Variants in SCAF1 observed in about 807,000 individuals in gnomAD.
SCAF1 encodes the protein SR-related CTD associated factor 1, also known as splicing factor, arginine/serine-rich 19.
A neutral mutation model predicts 91.2 loss-of-function variants in SCAF1; 28 were observed. The observed-to-expected ratio is 0.31, with a 90% confidence interval of 0.23 to 0.42. The LOEUF is 0.42. SCAF1 is among the 10% of genes least tolerant of loss of function. The pLI, the probability that SCAF1 is intolerant of heterozygous loss-of-function variation, is 1.00. For synonymous variants in SCAF1, 1,036 were observed against 833.7 expected (o/e 1.24, Z -4.18); for missense variants, 1,893 against 1,872.1 (o/e 1.01, Z -0.21).
chr19:49,648,895 A>G (rs181236539), intron 6 of SCAF1, among the ~76,000 whole-genome samples: 295 of 151,006 alleles, frequency 2.0e-3, no homozygotes, highest in Non-Finnish European at 2.9e-3. Flanking sequence ...TGCTTGAACC[A>G]GGAGATGGAG....
chr19:49,651,768 A>C lies in SCAF1; in HGVS notation c.1379A>C (p.Gln460Pro). Residue 460 changes from glutamine to proline, a missense_variant, in exon 7 of 11, where the codon CAG becomes CCG. Physicochemically the swap from Gln to Pro is moderately conservative, Grantham distance 76 (BLOSUM62 -1). Around this residue, in one of 5 missense-constraint regions of SCAF1, gnomAD observed 1,436 missense variants for 1,306.8 expected, o/e 1.10. Transcript: ENST00000360565. ...GAGTCGGACGGCGAGGGCGCCCTGC[A>C]GGTGGACCTAGGGGAGCCGGCTCCC... is the stretch of plus-strand genomic sequence containing the variant. ...HAESDGEGAL[Q>P]VDLGEPAPAP... The C allele has an allele frequency of 1.6e-6, 2 of 1,268,540 alleles. No homozygotes were observed. The highest frequency in any genetic ancestry group is 2.0e-6 in the Non-Finnish European group (2 of 1,008,044). 78.6% of individuals were successfully genotyped at this position (1,268,540 alleles called of 1,614,324 possible).
chr19:49,655,418 G>T (rs2081132943), intron 9 of SCAF1, among the ~76,000 whole-genome samples: 1 of 152,164 alleles, frequency 6.6e-6, no homozygotes, highest in African/African-American at 2.4e-5. Flanking sequence ...CTGGTCTGGA[G>T]TGCAATGGTG....
Position 49,654,786 on chromosome 19 carries a change from C to G in SCAF1, c.3534C>G (p.Thr1178=), listed in dbSNP as rs762939978. The G allele has an allele frequency of 5.6e-6, 9 of 1,612,784 alleles. No homozygotes were observed. In the South Asian group the frequency reaches 6.6e-5, roughly 12 times the overall value. ...GSLPLGGCGS[T]PPTPTGLAAT... is the part of the protein sequence containing the mutation. Reference sequence around the variant, plus strand: ...TCCCTCTGGGGGGCTGCGGTTCGACCCCCCCCACCCCCACCGGGCTGGCTG... The same window carrying G: ...TCCCTCTGGGGGGCTGCGGTTCGACGCCCCCCACCCCCACCGGGCTGGCTG... Residue 1178 remains threonine, a synonymous_variant, in exon 9 of 11, where the codon ACC becomes ACG. Transcript: ENST00000360565.
Position 49,652,765 on chromosome 19 carries a change from C to G in SCAF1, c.2376C>G (p.Ser792=). ...RDRDRDRDRS[S]KKARPPKESA... is the part of the protein sequence containing the mutation. The stretch of plus-strand genomic sequence containing the variant: ...GAGATAGGGACAGGGACAGGTCATC[C>G]AAGAAGGCCCGGCCCCCCAAGGAGT... Residue 792 remains serine (S), a synonymous_variant, in exon 7 of 11, where the codon TCC becomes TCG. Transcript: ENST00000360565. 6.2e-7 allele frequency: 1 copy of G among 1,612,246 alleles called. No individual in the cohort carries two copies. The highest frequency in any genetic ancestry group is 8.5e-7 in the Non-Finnish European group (1 of 1,179,404).
In SCAF1 at chr19:49,654,686, G is replaced by A; in HGVS notation, c.3434G>A (p.Gly1145Glu). The A allele has an allele frequency of 6.2e-7, 1 of 1,613,802 alleles. No individual in the cohort carries two copies. The highest frequency in any genetic ancestry group is 8.5e-7 in the Non-Finnish European group (1 of 1,179,860). ...LSHRKPPSSLGMTPAPVPTSL... is the reference protein window; with the variant it reads ...LSHRKPPSSLEMTPAPVPTSL... ...CACAGAAAGCCACCCTCAAGTCTGG[G>A]GATGACCCCAGCTCCTGTGCCCACC... Residue 1145 changes from glycine to glutamate, a missense_variant, in exon 9 of 11, where the codon GGG becomes GAG. Physicochemically the swap from Gly to Glu is moderately conservative, Grantham distance 98. Around this residue, in one of 5 missense-constraint regions of SCAF1, gnomAD observed 1,436 missense variants for 1,306.8 expected, o/e 1.10. Coordinates refer to ENST00000360565, the MANE Select transcript of SCAF1 (RefSeq NM_021228.3).
intron 6 of SCAF1, among the ~76,000 whole-genome samples, chr19:49,649,855 A>G (rs1311534738): frequency 1.3e-5 from 2 of 152,176 alleles, no homozygotes; most frequent in Non-Finnish European, 2.9e-5. Flanking sequence ...CTGAAGTAAG[A>G]CACATTGATC....
At chr19:49,644,821 T>A in intron 1 of SCAF1, 200 bp from the exon 2 acceptor site, 1 of 479,134 alleles carries the variant, frequency 2.1e-6, no homozygotes, top group Non-Finnish European at 3.7e-6. Flanking sequence ...AGAGAATTGC[T>A]CCTAGTCCCT....
At position 49,658,383 on chromosome 19, in the gene SCAF1, C is replaced by T. The variant is rs770560368; in HGVS notation, c.3923C>T (p.Pro1308Leu). 4.7e-5 allele frequency: 73 copies of T among 1,546,110 alleles called. No homozygotes were observed. Among genetic ancestry groups the T allele is most frequent in the Non-Finnish European group, 5.7e-5 (65 of 1,146,608 alleles). Residue 1308 changes from proline (P) to leucine (L), a missense_variant, in exon 11 of 11, where the codon CCC (proline) becomes CTC (leucine). Coordinates refer to ENST00000360565, the MANE Select transcript of SCAF1 (RefSeq NM_021228.3). ...CCAGACAAGGGTGGCCCGGGCCTGC[C>T]CCTGCCCCCTCTCTGAGAGCCCTGG... ...GPPDKGGPGL[P>L]LPPL
At chr19:49,657,724 C>T (rs368970496) in intron 9 of SCAF1, 37 bp from the exon 10 acceptor site, 14 of 1,573,102 alleles carry the variant, frequency 8.9e-6, no homozygotes, top group African/African-American at 6.7e-5. Context: ...CTCACTGGCC[C>T]TTGCTGTGTC....
rs776788595 is a variant in SCAF1 at position 49,652,690 on chromosome 19, G to A, written c.2301G>A (p.Gly767=). 7 of 1,571,292 alleles carry A rather than the reference G, an allele frequency of 4.5e-6. No individual in the cohort carries two copies. The highest frequency in any genetic ancestry group is 1.4e-5 in the African/African-American group (1 of 73,802). ...CCTCCTCCTCTTCCCGGGAGAAGGGGTCTCGTCGGAAGGCGCTGGACGGGG... is the reference window on the plus strand; with the variant it reads ...CCTCCTCCTCTTCCCGGGAGAAGGGATCTCGTCGGAAGGCGCTGGACGGGG... ...ASSSSSSREK[G]SRRKALDGGD... is the part of the protein sequence containing the mutation. The change falls in exon 7 of 11, where the codon GGG becomes GGA. Residue 767 remains glycine (G), a synonymous_variant. Coordinates refer to ENST00000360565, the MANE Select transcript of SCAF1 (RefSeq NM_021228.3).
In SCAF1 at chr19:49,651,058, C is replaced by T; in HGVS notation, c.669C>T (p.Pro223=). The T allele has an allele frequency of 1.3e-6, 2 of 1,502,442 alleles. No individual in the cohort carries two copies. The highest frequency in any genetic ancestry group is 1.8e-6 in the Non-Finnish European group (2 of 1,120,706). The allele number at this position is 1,502,442 out of a possible 1,614,324, so 93.1% of individuals were successfully genotyped here. Residue 223 remains proline (P), a synonymous_variant, in exon 7 of 11, where the codon CCC becomes CCT. Coordinates refer to ENST00000360565, the MANE Select transcript of SCAF1 (RefSeq NM_021228.3). ...PPPAPPAPPA[P]RFDIYDPFHP... ...CTGCACCCCCAGCCCCACCTGCCCC[C>T]CGATTCGATATCTATGACCCCTTCC...
At chr19:49,649,358 A>G (rs1295717946) in intron 6 of SCAF1, among the ~76,000 whole-genome samples, 1 of 152,232 alleles carries the variant, frequency 6.6e-6, no homozygotes, top group East Asian at 1.9e-4. Context: ...ACCCAGCAGC[A>G]GGTGCAGCCT....
intron 9 of SCAF1, among the ~76,000 whole-genome samples, chr19:49,657,511 C>T (rs1229603600): frequency 1.3e-5 from 2 of 152,258 alleles, no homozygotes; most frequent in Non-Finnish European, 2.9e-5. Context: ...TGGTCCCGGC[C>T]AGGCCTGGAG....
rs1283325558 is a variant in SCAF1, at chr19:49,654,703, G to T, written c.3451G>T (p.Val1151Leu). Residue 1151 changes from valine (V) to leucine (L), a missense_variant, in exon 9 of 11, where the codon GTG (valine) becomes TTG (leucine). Transcript: ENST00000360565. ...AAGTCTGGGGATGACCCCAGCTCCT[G>T]TGCCCACCTCTTTGGGTCTGCCCCC... is the stretch of plus-strand genomic sequence containing the variant. Reference protein sequence around the residue: ...PSSLGMTPAPVPTSLGLPPGP... With the variant: ...PSSLGMTPAPLPTSLGLPPGP... 6.2e-7 allele frequency: 1 copy of T among 1,613,954 alleles called. No individual in the cohort carries two copies.
chr19:49,651,478 G>A lies in SCAF1; in HGVS notation c.1089G>A (p.Arg363=). 1 of 1,582,544 alleles carries A rather than the reference G, an allele frequency of 6.3e-7. No individual in the cohort carries two copies. Among genetic ancestry groups the A allele is most frequent in the Admixed American group, 1.8e-5 (1 of 55,752 alleles). The change falls in exon 7 of 11, where the codon CGG becomes CGA. Residue 363 remains arginine, a synonymous_variant. Coordinates refer to ENST00000360565, the MANE Select transcript of SCAF1 (RefSeq NM_021228.3). ...TGGGGACCGAGGCAGAGGCTTGTCG[G>A]GAAGGCAAGGTCTCGGTGGAGGTGG... is the stretch of plus-strand genomic sequence containing the variant. ...FVVGTEAEAC[R]EGKVSVEVVT...
intron 9 of SCAF1, among the ~76,000 whole-genome samples, chr19:49,656,814 G>A (rs1026253242): frequency 3.3e-5 from 5 of 152,192 alleles, no homozygotes; most frequent in African/African-American, 1.2e-4. Flanking sequence ...TCCTCCATGT[G>A]TGTCGCTGTA....
Position 49,654,783 on chromosome 19 carries a change from G to A in SCAF1, c.3531G>A (p.Ser1177=), listed in dbSNP as rs1182763785. 4 of 1,612,894 alleles carry A rather than the reference G, an allele frequency of 2.5e-6. No individual in the cohort carries two copies. The highest frequency in any genetic ancestry group is 1.3e-5 in the African/African-American group (1 of 74,958). Residue 1177 remains serine, a synonymous_variant, in exon 9 of 11, where the codon TCG becomes TCA. Transcript: ENST00000360565. ...GCCTCCCTCTGGGGGGCTGCGGTTCGACCCCCCCCACCCCCACCGGGCTGG... is the reference window on the plus strand; with the variant it reads ...GCCTCCCTCTGGGGGGCTGCGGTTCAACCCCCCCCACCCCCACCGGGCTGG... The part of the protein sequence containing the change: ...PGSLPLGGCG[S]TPPTPTGLAA...
At chr19:49,650,762 TG>T in intron 6 of SCAF1, 105 bp from the exon 7 acceptor site, 1 of 830,592 alleles carries the variant, frequency 1.2e-6, no homozygotes, top group Non-Finnish European at 1.9e-6. Context: ...TGGGGCTTCC[TG>T]GGCAGGACCT....
chr19:49,646,474 G>C lies in SCAF1; in HGVS notation c.262-52G>C, dbSNP rs1599820856. ...GTTAGGGAGTGGGGAAGCAGGATTTGCCAGTCTTCATGTGACCAGGGACGG... is the reference window on the plus strand; with the variant it reads ...GTTAGGGAGTGGGGAAGCAGGATTTCCCAGTCTTCATGTGACCAGGGACGG... On this transcript the variant is annotated intron_variant, in intron 4 of 10. Coordinates refer to ENST00000360565, the MANE Select transcript of SCAF1 (RefSeq NM_021228.3). The surrounding 1 kb of genome is among the most constrained non-coding windows in gnomAD (Gnocchi z 5.6). The C allele has an allele frequency of 6.6e-7, 1 of 1,504,276 alleles. No individual in the cohort carries two copies. The highest frequency in any genetic ancestry group is 2.3e-5 in the East Asian group (1 of 44,186). The allele number at this position is 1,504,276 out of a possible 1,614,324, so 93.2% of individuals were successfully genotyped here.
Sources: allele counts gnomAD v4.1 joint callset (sites outside exome capture counted in the v4.1 genomes callset), GRCh38; gene constraint gnomAD v4.1.1; regional missense constraint gnomAD v4.1.1; non-coding constraint Gnocchi (gnomAD v3.1); transcripts MANE v1.5; gene names NCBI Gene and HGNC (gene_info 2026-07-23, HGNC 2026-07-21).